Variants in GRM8 observed in about 807,000 individuals in gnomAD.
The protein encoded by GRM8 is metabotropic glutamate receptor 8.
Under a neutral mutation model 87.2 loss-of-function variants are expected in GRM8, and 47 were observed. The observed-to-expected ratio is 0.54, with a 90% CI of 0.43 to 0.69. GRM8 has a LOEUF of 0.69. Among genes scored for constraint, GRM8 ranks in the 30% least tolerant of loss-of-function variants. The probability of loss-of-function intolerance (pLI) is 0.00; values close to 1 mark genes in which losing one functional copy is unlikely to be tolerated. For synonymous variants in GRM8, 396 were observed against 404.5 expected (o/e 0.98, Z 0.25); for missense variants, 1,019 against 1,139.2 (o/e 0.89, Z 1.52).
At chr7:127,233,459 G>T (rs1328094445) in intron 2 of GRM8, among the ~76,000 whole-genome samples, 1 of 152,122 alleles carries the variant, frequency 6.6e-6, no homozygotes, top group Non-Finnish European at 1.5e-5. Context: ...GAGATGAGAC[G>T]ATAAATCACT....
chr7:126,588,732 A>G (rs1427293283), intron 8 of GRM8, among the ~76,000 whole-genome samples: 1 of 152,194 alleles, frequency 6.6e-6, no homozygotes, highest in Non-Finnish European at 1.5e-5. Context: ...CAGGAAAGCC[A>G]AAAGAATCCA....
intron 9 of GRM8, among the ~76,000 whole-genome samples, chr7:126,465,909 AACTTTTAGC>A (rs1804442535): frequency 6.6e-6 from 1 of 151,978 alleles, no homozygotes; most frequent in Admixed American, 6.6e-5. Context: ...CCAGGAAGAA[AACTTTTAGC>A]AATTCACTGT....
chr7:126,608,930 AT>A (rs894525211), intron 8 of GRM8, among the ~76,000 whole-genome samples: 20 of 151,542 alleles, frequency 1.3e-4, no homozygotes, highest in Admixed American at 1.3e-3. Context: ...CCCCTGGCTA[AT>A]TTTTTTTGTA....
chr7:127,050,273 G>A (rs889865409), intron 3 of GRM8, among the ~76,000 whole-genome samples: 24 of 152,160 alleles, frequency 1.6e-4, no homozygotes, highest in African/African-American at 4.8e-5. Context: ...GTGCGTGGGG[G>A]ATGTGTGAAC....
intron 9 of GRM8, among the ~76,000 whole-genome samples, chr7:126,510,347 A>G (rs1472977522): frequency 1.3e-5 from 2 of 152,126 alleles, no homozygotes; most frequent in East Asian, 1.9e-4. Flanking sequence ...ATGGCTTCCA[A>G]ATAAAAGATG....
intron 7 of GRM8, among the ~76,000 whole-genome samples, chr7:126,729,226 C>T (rs1813337825): frequency 2.0e-5 from 3 of 152,190 alleles, no homozygotes; most frequent in Admixed American, 2.0e-4. Context: ...CCTCAGTCAC[C>T]ATTCCAGAGT....
chr7:127,181,610 A>C (rs976377458), intron 2 of GRM8, among the ~76,000 whole-genome samples: 7 of 152,156 alleles, frequency 4.6e-5, no homozygotes, highest in Non-Finnish European at 1.0e-4. Context: ...ATAAGGCCAT[A>C]GTCACCCAAA....
intron 8 of GRM8, among the ~76,000 whole-genome samples, chr7:126,549,506 T>C (rs1347721150): frequency 6.6e-6 from 1 of 152,188 alleles, no homozygotes; most frequent in Non-Finnish European, 1.5e-5. Context: ...GATTGCACTT[T>C]TGACGTGACT....
chr7:127,023,398 T>G (rs2132235399), intron 3 of GRM8, among the ~76,000 whole-genome samples: 1 of 152,208 alleles, frequency 6.6e-6, no homozygotes, highest in Non-Finnish European at 1.5e-5. Context: ...AAGTCTTTGT[T>G]ATCAATTAGT....
chr7:127,131,705 G>GT (rs1242056964), intron 2 of GRM8, among the ~76,000 whole-genome samples: 2 of 151,598 alleles, frequency 1.3e-5, no homozygotes, highest in East Asian at 1.9e-4. Flanking sequence ...TCATTTCTGT[G>GT]TTTTTTTTCA....
At chr7:127,201,073 GT>G (rs1795561003) in intron 2 of GRM8, among the ~76,000 whole-genome samples, 1 of 152,092 alleles carries the variant, frequency 6.6e-6, no homozygotes, top group Non-Finnish European at 1.5e-5. Context: ...TATTTACAAA[GT>G]TTTTTCATAT....
intron 9 of GRM8, among the ~76,000 whole-genome samples, chr7:126,453,897 C>T (rs567070784): frequency 1.3e-5 from 2 of 151,704 alleles, no homozygotes; most frequent in African/African-American, 2.4e-5. Flanking sequence ...GGTGTCTACT[C>T]TCTCAGTGCT....
At chr7:127,227,133 G>A (rs1797381155) in intron 2 of GRM8, among the ~76,000 whole-genome samples, 1 of 152,248 alleles carries the variant, frequency 6.6e-6, no homozygotes, top group Non-Finnish European at 1.5e-5. Context: ...GTTAACAGAG[G>A]AAGGAGGCGG....
chr7:126,469,116 G>A (rs1804847535), intron 9 of GRM8, among the ~76,000 whole-genome samples: 1 of 151,944 alleles, frequency 6.6e-6, no homozygotes, highest in African/African-American at 2.4e-5. Context: ...CCTAATAAAG[G>A]ACACACTTGG....
rs553253359 is a variant in GRM8, at chr7:126,608,851, C to T, written c.1494+511G>A. Among the ~76,000 whole-genome samples the T allele has an allele frequency of 1.7e-4, 26 of 151,740 alleles. No homozygotes were observed. The South Asian group carries it at 5.2e-3, about 30-fold the overall frequency. On this transcript the variant is annotated intron_variant, in intron 8 of 10. Transcript: ENST00000339582. ...CGACCTCGGCTCACTGCAAGCTCCG[C>T]CTCCCGGGTTCACGCCATTCTCCTG...
chr7:127,098,524 G>A (rs1011161689), intron 3 of GRM8, among the ~76,000 whole-genome samples: 10 of 151,910 alleles, frequency 6.6e-5, no homozygotes, highest in Middle Eastern at 3.4e-3. Flanking sequence ...CAGTGAACAC[G>A]TTTCAATTGT....
intron 7 of GRM8, among the ~76,000 whole-genome samples, chr7:126,713,608 T>TA (rs199535083): frequency 3.8e-3 from 228 of 59,574 alleles, no homozygotes; most frequent in East Asian, 8.2e-3. Flanking sequence ...GAACTTAAAG[T>TA]AAAAAAAAAA....
At chr7:127,156,944 A>G (rs915284647) in intron 2 of GRM8, among the ~76,000 whole-genome samples, 5 of 152,170 alleles carry the variant, frequency 3.3e-5, no homozygotes, top group Admixed American at 6.6e-5. Context: ...AGATGCAGAA[A>G]TTATCTCATA....
chr7:126,784,768 TA>T (rs924683948), intron 6 of GRM8, among the ~76,000 whole-genome samples: 1 of 151,364 alleles, frequency 6.6e-6, no homozygotes, highest in Non-Finnish European at 1.5e-5. Flanking sequence ...AAGCTCAGGT[TA>T]AATAACCTGC....
Sources: allele counts gnomAD v4.1 joint callset (sites outside exome capture counted in the v4.1 genomes callset), GRCh38; gene constraint gnomAD v4.1.1; transcripts MANE v1.5; gene names NCBI Gene and HGNC (gene_info 2026-07-23, HGNC 2026-07-21).